The following GALNT17 variants were observed in gnomAD, a reference collection of about 807,000 sequenced individuals.
The protein encoded by GALNT17 is UDP-GalNAc:polypeptide N-acetylgalactosaminyltransferase-like 3.
GALNT17 carries 29 observed loss-of-function variants against 63.7 expected under a neutral mutation model. That is an observed-to-expected ratio of 0.46 (90% CI 0.34 to 0.62). The LOEUF (loss-of-function observed/expected upper bound fraction) is 0.62. GALNT17 is among the 20% of genes least tolerant of loss of function. The pLI is 0.01. For synonymous variants in GALNT17, 305 were observed against 318.3 expected, an observed-to-expected ratio of 0.96 and a Z score of 0.45; for missense variants, 603 against 799.6, an observed-to-expected ratio of 0.75 and a Z score of 2.97.
chr7:71,677,252 G>T lies in GALNT17; in HGVS notation c.1446G>T (p.Gly482=). 6.2e-7 allele frequency: 1 copy of T among 1,613,986 alleles called. No individual in the cohort carries two copies. Among genetic ancestry groups the T allele is most frequent in the Non-Finnish European group, 8.5e-7 (1 of 1,179,982 alleles). The change falls in exon 9 of 11, where the codon GGG becomes GGT. Residue 482 remains glycine, a synonymous_variant. Coordinates refer to ENST00000333538, the MANE Select transcript of GALNT17 (RefSeq NM_022479.3). ...NKAKDVCLDQ[G]PLENHTAILY... ...CAAAAGACGTCTGCTTGGACCAGGG[G>T]CCGCTGGAGAACCACACAGCAATAT...
chr7:71,175,901 A>C (rs1399578600), intron 1 of GALNT17, among the ~76,000 whole-genome samples: 1 of 152,072 alleles, frequency 6.6e-6, no homozygotes, highest in Non-Finnish European at 1.5e-5. Flanking sequence ...ACACTATCTC[A>C]AAAAAAGAGA....
chr7:71,162,290 C>G (rs1336149701), intron 1 of GALNT17, among the ~76,000 whole-genome samples: 2 of 151,932 alleles, frequency 1.3e-5, no homozygotes, highest in African/African-American at 4.8e-5. Flanking sequence ...TTTCAGAGAT[C>G]TTGTTTTATA....
chr7:71,455,912 G>T (rs1015163827), intron 5 of GALNT17, among the ~76,000 whole-genome samples: 3 of 152,138 alleles, frequency 2.0e-5, no homozygotes, highest in African/African-American at 7.2e-5. Context: ...CTATGAGAAG[G>T]CTCAGGATAC....
At chr7:71,654,858 G>C (rs1196146175) in intron 6 of GALNT17, among the ~76,000 whole-genome samples, 2 of 152,010 alleles carry the variant, frequency 1.3e-5, no homozygotes, top group Non-Finnish European at 2.9e-5. Context: ...GCACGATCTC[G>C]GCTCACTGCA....
chr7:71,577,686 C>T (rs11983957), intron 6 of GALNT17, among the ~76,000 whole-genome samples: 17,748 of 152,066 alleles, frequency 0.12, 1,720 homozygotes, highest in African/African-American at 0.27. Context: ...AAAGAACAAG[C>T]GTATTTTAAT....
Position 71,265,118 on chromosome 7 carries a change from A to ATATATTTTTTT in GALNT17, c.239-70431_239-70430insATATTTTTTTT, listed in dbSNP as rs1390488895. On this transcript the variant is annotated intron_variant, in intron 1 of 10. Transcript: ENST00000333538. ...AAATATTATATATATATATATATAT[A>ATATATTTTTTT]TTTTTTTTTTTTTTTTTTTTTTTTT... 6.2e-3 allele frequency among the ~76,000 whole-genome samples: 230 copies of ATATATTTTTTT among 37,148 alleles called. 7 individuals carry two copies. Among genetic ancestry groups the ATATATTTTTTT allele is most frequent in the Non-Finnish European group, 0.013 (192 of 14,448 alleles). The allele number at this position is 37,148 out of a possible 152,430, so 24.4% of individuals were successfully genotyped here.
intron 3 of GALNT17, among the ~76,000 whole-genome samples, chr7:71,413,424 G>T (rs1793465263): frequency 6.6e-6 from 1 of 151,836 alleles, no homozygotes; most frequent in Non-Finnish European, 1.5e-5. Flanking sequence ...GGAGTGCAGT[G>T]GTGCGATCTC....
chr7:71,259,918 G>C (rs887223370), intron 1 of GALNT17, among the ~76,000 whole-genome samples: 6 of 152,024 alleles, frequency 3.9e-5, no homozygotes, highest in African/African-American at 1.4e-4. Flanking sequence ...TGAGATTACA[G>C]GCGTGAGCCA....
chr7:71,520,478 G>A lies in GALNT17; in HGVS notation c.963-50807G>A, dbSNP rs189787571. On this transcript the variant is annotated intron_variant, in intron 5 of 10. Transcript: ENST00000333538. ...GCGGAGGTTGTAGTGAGCTGAGATC[G>A]CGCCACTGCACTCCAGCCTGGGCAA... 1.9e-3 allele frequency among the ~76,000 whole-genome samples: 293 copies of A among 151,954 alleles called. 2 individuals are homozygous for A. The highest frequency in any genetic ancestry group is 6.6e-3 in the African/African-American group (273 of 41,462).
rs995403911 is a variant in GALNT17, at chr7:71,446,336, A to T, written c.962+25231A>T. ...ACTGTAAAAATCAAAAATACAAAAG[A>T]TCATTAGATAATCACTGATAATCAT... is the stretch of plus-strand genomic sequence containing the variant. On this transcript the variant is annotated intron_variant, in intron 5 of 10. Transcript: ENST00000333538. 5.3e-5 allele frequency among the ~76,000 whole-genome samples: 8 copies of T among 152,338 alleles called. No individual in the cohort carries two copies. In the South Asian group the frequency reaches 1.2e-3, roughly 24 times the overall value.
chr7:71,497,910 A>G (rs1788121866), intron 5 of GALNT17, among the ~76,000 whole-genome samples: 1 of 152,242 alleles, frequency 6.6e-6, no homozygotes, highest in Non-Finnish European at 1.5e-5. Context: ...ACAATGTACT[A>G]TTATTCCATG....
At chr7:71,461,500 A>T (rs1316741266) in intron 5 of GALNT17, among the ~76,000 whole-genome samples, 1 of 152,226 alleles carries the variant, frequency 6.6e-6, no homozygotes, top group Non-Finnish European at 1.5e-5. Flanking sequence ...GAAGCAGAGG[A>T]TAGCACTCTT....
intron 5 of GALNT17, among the ~76,000 whole-genome samples, chr7:71,483,451 C>T (rs764323829): frequency 6.6e-6 from 1 of 151,724 alleles, no homozygotes; most frequent in Non-Finnish European, 1.5e-5. Flanking sequence ...GCCTGGGCAA[C>T]AGAGTGAGAC....
intron 5 of GALNT17, among the ~76,000 whole-genome samples, chr7:71,457,497 G>T (rs1444975488): frequency 2.6e-5 from 4 of 152,218 alleles, no homozygotes. Context: ...AGGAATAAAA[G>T]AATGGCTACT....
At chr7:71,468,435 G>C (rs1286175166) in intron 5 of GALNT17, among the ~76,000 whole-genome samples, 2 of 150,932 alleles carry the variant, frequency 1.3e-5, no homozygotes, top group African/African-American at 4.9e-5. Flanking sequence ...TTTTTAATTG[G>C]AGACAGAGTC....
intron 5 of GALNT17, among the ~76,000 whole-genome samples, chr7:71,424,812 C>T (rs1428422640): frequency 6.6e-6 from 1 of 152,142 alleles, no homozygotes. Flanking sequence ...TTTAATAGTA[C>T]GATTTTGCTC....
At chr7:71,184,928 CT>C in intron 1 of GALNT17, among the ~76,000 whole-genome samples, 1 of 129,346 alleles carries the variant, frequency 7.7e-6, no homozygotes, top group African/African-American at 3.2e-5. Flanking sequence ...CCCTCCCTCC[CT>C]CCCTTCCTCA....
In GALNT17 at chr7:71,571,272, C is replaced by G; in HGVS notation, c.963-13C>G. ...ACACCTCAATGAGCTTCCCTTCTTTCTCCCTCCCTCAGGACCCCAGCCATG... is the reference window on the plus strand; with the variant it reads ...ACACCTCAATGAGCTTCCCTTCTTTGTCCCTCCCTCAGGACCCCAGCCATG... On this transcript the variant is annotated splice_polypyrimidine_tract_variant and intron_variant, in intron 5 of 10. Transcript: ENST00000333538. 6.2e-7 allele frequency: 1 copy of G among 1,612,688 alleles called. No homozygotes were observed. Among genetic ancestry groups the G allele is most frequent in the Non-Finnish European group, 8.5e-7 (1 of 1,178,730 alleles).
chr7:71,711,010 G>A (rs1439781633), intron 10 of GALNT17, 82 bp downstream of exon 10: 1 of 1,520,548 alleles, frequency 6.6e-7, no homozygotes, highest in South Asian at 1.2e-5. Context: ...GCTTCCCCAG[G>A]GGTCCCCAGC....
Sources: gnomAD v4.1 joint callset for allele counts (sites outside exome capture counted in the v4.1 genomes callset) on GRCh38, gnomAD v4.1.1 for gene constraint, MANE v1.5 for transcripts, NCBI Gene and HGNC (gene_info 2026-07-23, HGNC 2026-07-21) for gene names.